Variants in DCC observed in about 807,000 individuals in gnomAD.
The protein encoded by DCC is netrin receptor DCC.
DCC carries 58 observed loss-of-function variants against 172.5 expected under a neutral mutation model. That is an observed-to-expected ratio of 0.34 (90% confidence interval 0.27 to 0.42). DCC has a LOEUF of 0.42. Ranked by LOEUF, DCC falls within the 10% of genes least tolerant of loss-of-function variation. The pLI is 1.00. For synonymous variants in DCC, 709 were observed against 644.5 expected, an observed-to-expected ratio of 1.10 and a Z score of -1.52; for missense variants, 1,740 against 1,791.0, an observed-to-expected ratio of 0.97 and a Z score of 0.51.
At chr18:52,523,282 C>A (rs2031876731) in intron 1 of DCC, among the ~76,000 whole-genome samples, 2 of 152,144 alleles carry the variant, frequency 1.3e-5, no homozygotes, top group South Asian at 4.2e-4. Context: ...ATTCTGGCAC[C>A]CTAGGAGTGG....
chr18:53,320,298 T>A (rs1206272991), intron 13 of DCC, among the ~76,000 whole-genome samples: 1 of 152,098 alleles, frequency 6.6e-6, no homozygotes, highest in Non-Finnish European at 1.5e-5. Context: ...GGTCTCGATC[T>A]CCTGACTTTG....
intron 15 of DCC, among the ~76,000 whole-genome samples, chr18:53,351,868 T>G (rs1008426935): frequency 2.0e-5 from 3 of 151,902 alleles, no homozygotes. Flanking sequence ...TCCCCCTCAC[T>G]ATGTCAGGTA....
intron 22 of DCC, among the ~76,000 whole-genome samples, chr18:53,446,124 A>AAAAAAAAAACC (rs369426007): frequency 1.7e-5 from 2 of 117,174 alleles, no homozygotes; most frequent in Non-Finnish European, 1.8e-5. Context: ...ACAAAAAAAA[A>AAAAAAAAAACC]CACTTAAAAA....
chr18:53,116,913 A>C (rs2043416985), intron 7 of DCC, among the ~76,000 whole-genome samples: 1 of 151,740 alleles, frequency 6.6e-6, no homozygotes, highest in African/African-American at 2.4e-5. Flanking sequence ...GTTTTGAAAA[A>C]GTAAAATAAA....
chr18:52,807,279 G>A (rs942569290), intron 2 of DCC, among the ~76,000 whole-genome samples: 2 of 152,126 alleles, frequency 1.3e-5, no homozygotes, highest in Admixed American at 1.3e-4. Context: ...TGCGCCTCCT[G>A]CCTCTCTAGC....
intron 12 of DCC, among the ~76,000 whole-genome samples, chr18:53,281,229 T>A (rs2056868163): frequency 6.6e-6 from 1 of 152,136 alleles, no homozygotes; most frequent in Admixed American, 6.6e-5. Flanking sequence ...AACTTTCCAT[T>A]TTTTAAATAT....
intron 2 of DCC, among the ~76,000 whole-genome samples, chr18:52,863,455 C>T (rs1378221745): frequency 6.6e-6 from 1 of 151,718 alleles, no homozygotes; most frequent in African/African-American, 2.4e-5. Flanking sequence ...TGGAACAGGA[C>T]ATATTTACTA....
Position 53,298,452 on chromosome 18 carries a change from T to C in DCC, c.1912-7126T>C, listed in dbSNP as rs1417616148. ...AGGAGGTGGAAGGATCACTTGAACC[T>C]GAGAGGTGTAGGCTGCAGTGAGCCC... On this transcript the variant is annotated intron_variant, in intron 12 of 28. Coordinates refer to ENST00000442544, the MANE Select transcript of DCC (RefSeq NM_005215.4). Among the ~76,000 whole-genome samples, 3 of 139,400 alleles carry C rather than the reference T, an allele frequency of 2.2e-5. No homozygotes were observed. The Admixed American group carries it at 2.4e-4, about 11-fold the overall frequency. The allele number at this position is 139,400 out of a possible 152,430, so 91.5% of individuals were successfully genotyped here.
At chr18:53,506,159 A>G (rs2046172308) in intron 27 of DCC, among the ~76,000 whole-genome samples, 1 of 152,144 alleles carries the variant, frequency 6.6e-6, no homozygotes, top group Admixed American at 6.5e-5. Context: ...TAGGACCTTC[A>G]TCGCCACCCT....
intron 2 of DCC, among the ~76,000 whole-genome samples, chr18:52,880,441 G>T (rs1166005544): frequency 6.6e-6 from 1 of 152,084 alleles, no homozygotes; most frequent in Non-Finnish European, 1.5e-5. Flanking sequence ...TAGCCACCTT[G>T]CCCGGCCTTA....
intron 13 of DCC, among the ~76,000 whole-genome samples, chr18:53,307,771 A>T (rs947417188): frequency 2.7e-5 from 4 of 150,700 alleles, no homozygotes; most frequent in African/African-American, 9.7e-5. Context: ...CTTTGATTAA[A>T]GTAATAAAGA....
chr18:52,709,855 A>G (rs1193331075), intron 1 of DCC, among the ~76,000 whole-genome samples: 1 of 152,240 alleles, frequency 6.6e-6, no homozygotes, highest in Non-Finnish European at 1.5e-5. Flanking sequence ...AATATTTTCA[A>G]TGCAGTGAAT....
At chr18:52,883,453 T>G (rs2039523181) in intron 2 of DCC, among the ~76,000 whole-genome samples, 1 of 151,352 alleles carries the variant, frequency 6.6e-6, no homozygotes, top group South Asian at 2.1e-4. Context: ...ATTTTCTTTC[T>G]TTTTATTTTT....
At chr18:53,512,858 G>A (rs1376377009) in intron 27 of DCC, among the ~76,000 whole-genome samples, 2 of 152,092 alleles carry the variant, frequency 1.3e-5, no homozygotes, top group African/African-American at 4.8e-5. Flanking sequence ...AAGTGATGGG[G>A]AGAATGGAAC....
intron 12 of DCC, among the ~76,000 whole-genome samples, chr18:53,255,179 C>T (rs904276395): frequency 6.6e-6 from 1 of 151,834 alleles, no homozygotes; most frequent in African/African-American, 2.4e-5. Flanking sequence ...CCCTTCTGTC[C>T]ACTTGTCTTG....
At chr18:52,763,958 C>A (rs1479414981) in intron 2 of DCC, among the ~76,000 whole-genome samples, 1 of 152,120 alleles carries the variant, frequency 6.6e-6, no homozygotes, top group East Asian at 1.9e-4. Flanking sequence ...GAAAGCTATT[C>A]TATTTGTTTC....
chr18:53,187,326 G>A (rs2055298013), intron 9 of DCC, among the ~76,000 whole-genome samples: 1 of 151,942 alleles, frequency 6.6e-6, no homozygotes, highest in African/African-American at 2.4e-5. Flanking sequence ...GTTTCACTAT[G>A]TTGGCCAGAC....
chr18:52,526,850 A>C (rs1220357104), intron 1 of DCC, among the ~76,000 whole-genome samples: 1 of 152,162 alleles, frequency 6.6e-6, no homozygotes, highest in African/African-American at 2.4e-5. Context: ...GGTGATCTGG[A>C]AGTAGGAATA....
chr18:52,398,624 A>G lies in DCC; in HGVS notation c.91+57746A>G, dbSNP rs1174652611. On this transcript the variant is annotated intron_variant, in intron 1 of 28. Transcript: ENST00000442544. ...AGGCAACATATATGGTCTTATATCT[A>G]GGCTCTTAAAGAATTTATGATTTAG... Among the ~76,000 whole-genome samples the G allele has an allele frequency of 9.2e-5, 14 of 152,106 alleles. No homozygotes were observed. The East Asian group carries it at 2.5e-3, about 27-fold the overall frequency.
Sources: allele counts gnomAD v4.1 joint callset (sites outside exome capture counted in the v4.1 genomes callset), GRCh38; gene constraint gnomAD v4.1.1; transcripts MANE v1.5; gene names NCBI Gene and HGNC (gene_info 2026-07-23, HGNC 2026-07-21).